The following TTC7B variants were observed in gnomAD, a reference collection of about 807,000 sequenced individuals.
TTC7B encodes tetratricopeptide repeat protein 7B.
A neutral mutation model predicts 106.8 loss-of-function variants in TTC7B; 28 were observed. That is an observed-to-expected ratio of 0.26 (90% confidence interval 0.19 to 0.36). The LOEUF (loss-of-function observed/expected upper bound fraction) is 0.36. Ranked by LOEUF, TTC7B falls within the 10% of genes least tolerant of loss-of-function variation. The pLI is 1.00. For missense variants in TTC7B, 862 were observed against 1,076.4 expected (o/e 0.80, Z 2.79); for synonymous variants, 405 against 430.6 (o/e 0.94, Z 0.74).
At chr14:90,688,755 C>T (rs749962961) in intron 7 of TTC7B, among the ~76,000 whole-genome samples, 35 of 151,612 alleles carry the variant, frequency 2.3e-4, no homozygotes, top group African/African-American at 7.0e-4. Flanking sequence ...TTGCAGATTG[C>T]GCCACTGCAC....
Position 90,608,053 on chromosome 14 carries a change from G to A in TTC7B, c.1966+2689C>T, listed in dbSNP as rs1892718469. ...TTTCCTCTTCAAATCAAATCAAGGT[G>A]AGGGAATAAACAATCTGTGTTGTGG... On this transcript the variant is annotated intron_variant, in intron 17 of 19. Coordinates refer to ENST00000328459, the MANE Select transcript of TTC7B (RefSeq NM_001010854.2). This position sits in a 1 kb window ranked among gnomAD's most constrained non-coding sequence, Gnocchi z 5.1. Among the ~76,000 whole-genome samples, 1 of 148,274 alleles carries A rather than the reference G, an allele frequency of 6.7e-6. No homozygotes were observed. Among genetic ancestry groups the A allele is most frequent in the Non-Finnish European group, 1.5e-5 (1 of 67,022 alleles).
intron 4 of TTC7B, among the ~76,000 whole-genome samples, chr14:90,735,864 A>G (rs1235412882): frequency 6.6e-6 from 1 of 152,180 alleles, no homozygotes; most frequent in African/African-American, 2.4e-5. Flanking sequence ...CTTGAACTCA[A>G]CAAAATTATT....
At chr14:90,717,764 T>C (rs931316175) in intron 5 of TTC7B, among the ~76,000 whole-genome samples, 3 of 152,192 alleles carry the variant, frequency 2.0e-5, no homozygotes, top group African/African-American at 2.4e-5. Context: ...ACTAATGCAT[T>C]TGACACCTAA....
At position 90,657,916 on chromosome 14, in the gene TTC7B, TTTC is replaced by T; in HGVS notation, c.1236+385_1236+387del. On this transcript the variant is annotated intron_variant, in intron 10 of 19. Coordinates refer to ENST00000328459, the MANE Select transcript of TTC7B (RefSeq NM_001010854.2). The surrounding 1 kb of genome is among the most constrained non-coding windows in gnomAD (Gnocchi z 4.2). Reference sequence around the variant, plus strand: ...GCCGTTGGACTCCCTCAGCCCACATTTTCATCCAGTATCATGCACTGCCTAATA... The same window carrying T: ...GCCGTTGGACTCCCTCAGCCCACATTATCCAGTATCATGCACTGCCTAATA... 5.0e-6 allele frequency: 1 copy of T among 201,006 alleles called. No individual in the cohort carries two copies. Among genetic ancestry groups the T allele is most frequent in the South Asian group, 8.1e-5 (1 of 12,396 alleles). 12.5% of individuals were successfully genotyped at this position (201,006 alleles called of 1,614,324 possible).
At chr14:90,772,348 G>A (rs1040658191) in intron 3 of TTC7B, among the ~76,000 whole-genome samples, 2 of 152,100 alleles carry the variant, frequency 1.3e-5, no homozygotes, top group Admixed American at 1.3e-4. Flanking sequence ...TCCAAAAATA[G>A]AGGCTTTAGT....
intron 5 of TTC7B, among the ~76,000 whole-genome samples, chr14:90,715,340 C>A (rs1044487336): frequency 2.6e-5 from 4 of 152,102 alleles, no homozygotes; most frequent in African/African-American, 9.7e-5. Flanking sequence ...TCTTTTTTTA[C>A]GTGGATATAG....
intron 18 of TTC7B, among the ~76,000 whole-genome samples, chr14:90,586,419 T>C (rs1302317020): frequency 1.3e-5 from 2 of 152,146 alleles, no homozygotes; most frequent in Non-Finnish European, 2.9e-5. Flanking sequence ...TACAGGTGCC[T>C]GCCACCACAC....
At chr14:90,662,841 A>C (rs894341668) in intron 9 of TTC7B, among the ~76,000 whole-genome samples, 1 of 152,234 alleles carries the variant, frequency 6.6e-6, no homozygotes, top group African/African-American at 2.4e-5. Flanking sequence ...GAAACACAAC[A>C]AATTGTATCA....
Position 90,754,762 on chromosome 14 carries a change from C to T in TTC7B, c.446-9840G>A, listed in dbSNP as rs545905391. ...TACCCTTCTCCCAGCCCCCGGGAAC[C>T]GCCAATCTGCTTTCTGTCTGTCTGT... is the stretch of plus-strand genomic sequence containing the variant. On this transcript the variant is annotated intron_variant, in intron 3 of 19. Coordinates refer to ENST00000328459, the MANE Select transcript of TTC7B (RefSeq NM_001010854.2). Among the ~76,000 whole-genome samples, 22 of 151,888 alleles carry T rather than the reference C, an allele frequency of 1.4e-4. No homozygotes were observed. The South Asian group carries it at 1.7e-3, about 12-fold the overall frequency.
rs375817895 is a variant in TTC7B at position 90,647,040 on chromosome 14, G to A, written c.1518-17C>T. On this transcript the variant is annotated splice_polypyrimidine_tract_variant and intron_variant, in intron 13 of 19. Transcript: ENST00000328459. ...CTGTGGGCCCTGAAAAAGTATTTAC[G>A]GCTATTAGTACATGGGAGAGGAGGC... 2.2e-5 allele frequency: 35 copies of A among 1,613,268 alleles called. No individual in the cohort carries two copies. Among genetic ancestry groups the A allele is most frequent in the Middle Eastern group, 1.6e-4 (1 of 6,078 alleles).
At chr14:90,652,709 G>A (rs780171129) in intron 13 of TTC7B, 132 bp downstream of exon 13, 36 of 926,290 alleles carry the variant, frequency 3.9e-5, no homozygotes, top group East Asian at 9.9e-5. Context: ...CTGTGTGTTC[G>A]GTGCTCAGGA....
chr14:90,607,106 G>A lies in TTC7B; in HGVS notation c.1966+3636C>T, dbSNP rs569151871. Among the ~76,000 whole-genome samples, 4 of 152,224 alleles carry A rather than the reference G, an allele frequency of 2.6e-5. No individual in the cohort carries two copies. The South Asian group carries it at 8.3e-4, about 32-fold the overall frequency. ...ATGCTGATTGCTAAAACTCACTGGT[G>A]GGTAACGGGAATATTAGTATCTCTG... is the stretch of plus-strand genomic sequence containing the variant. On this transcript the variant is annotated intron_variant, in intron 17 of 19. Transcript: ENST00000328459.
intron 4 of TTC7B, among the ~76,000 whole-genome samples, chr14:90,731,715 C>T (rs549329885): frequency 7.0e-4 from 106 of 152,248 alleles, no homozygotes; most frequent in African/African-American, 2.1e-3. Flanking sequence ...CAGAGATGCA[C>T]GCGGCACCAT....
chr14:90,603,181 G>A (rs1463380804), intron 17 of TTC7B: 3 of 1,045,988 alleles, frequency 2.9e-6, no homozygotes, highest in African/African-American at 3.3e-5. Flanking sequence ...CAACCACAAT[G>A]CACATTCCGT....
At chr14:90,684,370 C>T (rs1003523059) in intron 7 of TTC7B, among the ~76,000 whole-genome samples, 17 of 151,976 alleles carry the variant, frequency 1.1e-4, no homozygotes, top group Admixed American at 3.9e-4. Flanking sequence ...AACACACACA[C>T]ATATATATAT....
intron 16 of TTC7B, among the ~76,000 whole-genome samples, chr14:90,615,465 G>A (rs890523168): frequency 1.3e-5 from 2 of 152,216 alleles, no homozygotes; most frequent in Non-Finnish European, 2.9e-5. Flanking sequence ...AATGCTGTCT[G>A]CCAAAATGCT....
chr14:90,608,925 A>C lies in TTC7B; in HGVS notation c.1966+1817T>G, dbSNP rs571778569. 9.3e-4 allele frequency among the ~76,000 whole-genome samples: 141 copies of C among 152,288 alleles called. No individual in the cohort carries two copies. Among genetic ancestry groups the C allele is most frequent in the African/African-American group, 3.3e-3 (138 of 41,578 alleles). On this transcript the variant is annotated intron_variant, in intron 17 of 19. Transcript: ENST00000328459. This position sits in a 1 kb window ranked among gnomAD's most constrained non-coding sequence, Gnocchi z 5.1. ...TGGCTGTTCTCACAGGATACTTAGG[A>C]GGGAGAAAAGTGGGGAGACGGCGCT...
At chr14:90,694,307 T>C (rs571657665) in intron 6 of TTC7B, among the ~76,000 whole-genome samples, 28 of 152,024 alleles carry the variant, frequency 1.8e-4, no homozygotes, top group Non-Finnish European at 3.5e-4. Context: ...GGCAAATCCA[T>C]AGAAACAGAA....
intron 12 of TTC7B, 58 bp from the exon 13 acceptor site, chr14:90,652,956 C>A: frequency 6.4e-7 from 1 of 1,558,674 alleles, no homozygotes; most frequent in African/African-American, 1.4e-5. Context: ...TTGACAAATA[C>A]AAAACCCATC....
Sources: gnomAD v4.1 joint callset for allele counts (sites outside exome capture counted in the v4.1 genomes callset) on GRCh38, gnomAD v4.1.1 for gene constraint, Gnocchi (gnomAD v3.1) non-coding constraint, MANE v1.5 for transcripts, NCBI Gene and HGNC (gene_info 2026-07-23, HGNC 2026-07-21) for gene names.